PDE10A: variants seen among roughly 807,000 people sequenced by gnomAD.
PDE10A encodes the protein cAMP and cAMP-inhibited cGMP 3',5'-cyclic phosphodiesterase 10A.
In PDE10A, 39 loss-of-function variants were observed where a neutral mutation model predicts 97.7. That is an observed-to-expected ratio of 0.40 (90% CI 0.31 to 0.52). PDE10A has a LOEUF of 0.52. Ranked by LOEUF, PDE10A falls within the 20% of genes least tolerant of loss-of-function variation. The pLI is 0.56. For missense variants in PDE10A, 731 were observed against 1,047.8 expected, an observed-to-expected ratio of 0.70 and a Z score of 4.17; for synonymous variants, 371 against 376.8, an observed-to-expected ratio of 0.98 and a Z score of 0.18.
intron 13 of PDE10A, among the ~76,000 whole-genome samples, chr6:165,404,384 A>G (rs1025209723): frequency 1.3e-5 from 2 of 152,060 alleles, no homozygotes; most frequent in African/African-American, 4.8e-5. Context: ...CTCCATAAGC[A>G]AAAAAGAAGC....
chr6:165,939,699 C>T (rs1783448108), intron 1 of PDE10A: 2 of 152,184 alleles, frequency 1.3e-5, no homozygotes, highest in Admixed American at 1.3e-4. Flanking sequence ...ATTCCATTGT[C>T]CTCAGAAAAC....
At chr6:165,751,645 C>T (rs564227065) in intron 1 of PDE10A, among the ~76,000 whole-genome samples, 52 of 152,228 alleles carry the variant, frequency 3.4e-4, no homozygotes, top group Middle Eastern at 3.4e-3. Flanking sequence ...GTGAAGAAAC[C>T]GGCCAAAACC....
Position 165,378,889 on chromosome 6 carries a change from A to G in PDE10A, c.2783+305T>C, listed in dbSNP as rs376485710. 5.9e-5 allele frequency among the ~76,000 whole-genome samples: 9 copies of G among 152,294 alleles called. No individual in the cohort carries two copies. In the East Asian group the frequency reaches 7.7e-4, roughly 13 times the overall value. The stretch of plus-strand genomic sequence containing the variant: ...ATGGCCAGACCCTGAATGCTGATCA[A>G]TGCAAGAAGGGACCTCTTGGAGAAA... On this transcript the variant is annotated intron_variant, in intron 18 of 21. Transcript: ENST00000539869.
intron 2 of PDE10A, among the ~76,000 whole-genome samples, chr6:165,507,525 A>C (rs1026319850): frequency 6.6e-6 from 1 of 152,046 alleles, no homozygotes; most frequent in Non-Finnish European, 1.5e-5. Context: ...ACCAAGCCCA[A>C]GTCCAGTAAG....
At chr6:165,799,819 A>T (rs982919019) in intron 1 of PDE10A, among the ~76,000 whole-genome samples, 2 of 152,186 alleles carry the variant, frequency 1.3e-5, no homozygotes, top group Admixed American at 1.3e-4. Flanking sequence ...AACTCTGGGG[A>T]ACATACAACA....
intron 11 of PDE10A, among the ~76,000 whole-genome samples, chr6:165,417,638 A>C (rs1295627454): frequency 6.6e-6 from 1 of 152,230 alleles, no homozygotes; most frequent in Non-Finnish European, 1.5e-5. Flanking sequence ...GCAACAACAA[A>C]AAAAACCAAC....
intron 15 of PDE10A, among the ~76,000 whole-genome samples, chr6:165,393,822 C>G (rs1335216788): frequency 6.6e-6 from 1 of 152,056 alleles, no homozygotes; most frequent in East Asian, 1.9e-4. Flanking sequence ...AAAACTATTC[C>G]TTGCATTTAA....
intron 1 of PDE10A, among the ~76,000 whole-genome samples, chr6:165,958,176 A>G (rs1446192969): frequency 6.6e-6 from 1 of 152,150 alleles, no homozygotes; most frequent in Admixed American, 6.5e-5. Context: ...AATCTGCCAC[A>G]GTCTGTGAGC....
At chr6:165,553,730 C>T (rs1784123704) in intron 1 of PDE10A, among the ~76,000 whole-genome samples, 1 of 152,078 alleles carries the variant, frequency 6.6e-6, no homozygotes, top group South Asian at 2.1e-4. Flanking sequence ...TATTTCTAAA[C>T]CAAAGTGAAA....
intron 1 of PDE10A, among the ~76,000 whole-genome samples, chr6:165,587,301 G>A (rs1336461139): frequency 6.6e-6 from 1 of 152,126 alleles, no homozygotes; most frequent in Non-Finnish European, 1.5e-5. Flanking sequence ...TATATACAGG[G>A]AGAAAGCAAT....
At chr6:165,806,850 A>G (rs1204161889) in intron 1 of PDE10A, among the ~76,000 whole-genome samples, 1 of 152,202 alleles carries the variant, frequency 6.6e-6, no homozygotes, top group Admixed American at 6.5e-5. Flanking sequence ...CATTTAGTCA[A>G]TTTGAAAGGA....
intron 5 of PDE10A, among the ~76,000 whole-genome samples, chr6:165,438,035 A>C (rs1790149548): frequency 6.6e-6 from 1 of 152,134 alleles, no homozygotes; most frequent in African/African-American, 2.4e-5. Context: ...GTTTACACAT[A>C]CTCAGCGCTA....
At chr6:165,849,757 G>C (rs969275658) in intron 1 of PDE10A, among the ~76,000 whole-genome samples, 4 of 152,082 alleles carry the variant, frequency 2.6e-5, no homozygotes, top group African/African-American at 9.7e-5. Flanking sequence ...GGCCAGATGG[G>C]GCGGGGATTT....
intron 1 of PDE10A, among the ~76,000 whole-genome samples, chr6:165,826,563 C>T (rs971492668): frequency 1.0e-4 from 15 of 149,266 alleles, no homozygotes; most frequent in African/African-American, 2.5e-4. Flanking sequence ...CTCTCTCCCA[C>T]GCTCCCGCCA....
In PDE10A at chr6:165,897,747, A is replaced by G. The variant is rs370995630; in HGVS notation, c.-615+89782T>C. 2.4e-4 allele frequency among the ~76,000 whole-genome samples: 36 copies of G among 151,478 alleles called. 1 individual carries two copies. The East Asian group carries it at 6.3e-3, about 26-fold the overall frequency. ...GGCACACACTGTAGGTGAGCTCAGG[A>G]TGTGCCTGTGGGTGCCTTTTCTCCC... On this transcript the variant is annotated intron_variant, in intron 1 of 19. Coordinates refer to the PDE10A transcript ENST00000366882.
chr6:165,668,769 TAGGAAGGG>T (rs564439961), intron 1 of PDE10A, among the ~76,000 whole-genome samples: 6,176 of 128,656 alleles, frequency 0.048, 384 homozygotes, highest in African/African-American at 0.15. Flanking sequence ...GGAAGGAAGG[TAGGAAGGG>T]AGGGAGGGAG....
At chr6:165,887,590 C>T (rs1244694182) in intron 1 of PDE10A, among the ~76,000 whole-genome samples, 1 of 152,206 alleles carries the variant, frequency 6.6e-6, no homozygotes, top group South Asian at 2.1e-4. Flanking sequence ...CTTCTCTTCT[C>T]ATAACTCTTC....
chr6:165,385,171 G>C (rs191183465), intron 17 of PDE10A, among the ~76,000 whole-genome samples: 121 of 152,074 alleles, frequency 8.0e-4, no homozygotes, highest in African/African-American at 2.8e-3. Context: ...AAATCAGCAG[G>C]ACTTGGTGGT....
At chr6:165,983,482 T>C (rs1041880347) in intron 1 of PDE10A, among the ~76,000 whole-genome samples, 4 of 152,186 alleles carry the variant, frequency 2.6e-5, no homozygotes, top group Non-Finnish European at 5.9e-5. Context: ...ACCACACTCC[T>C]CTCTAGGCAG....
Sources: gnomAD v4.1 joint callset for allele counts (sites outside exome capture counted in the v4.1 genomes callset) on GRCh38, gnomAD v4.1.1 for gene constraint, MANE v1.5 for transcripts, NCBI Gene and HGNC (gene_info 2026-07-23, HGNC 2026-07-21) for gene names.